Variants in DLG2 observed in about 807,000 individuals in gnomAD.
DLG2 encodes discs large MAGUK scaffold protein 2, also known as disks large homolog 2.
DLG2 carries 45 observed loss-of-function variants against 132.5 expected under a neutral mutation model. The observed-to-expected ratio is 0.34, with a 90% CI of 0.27 to 0.44. The LOEUF (loss-of-function observed/expected upper bound fraction) is 0.44, where lower values mean the gene tolerates loss of function less well. Among genes scored for constraint, DLG2 ranks in the 20% least tolerant of loss-of-function variants. DLG2 has a pLI of 1.00. For missense variants in DLG2, 1,045 were observed against 1,196.9 expected (o/e 0.87, Z 1.87); for synonymous variants, 424 against 419.6 (o/e 1.01, Z -0.13).
intron 4 of DLG2, among the ~76,000 whole-genome samples, chr11:85,186,797 T>C (rs965433583): frequency 6.6e-6 from 1 of 152,130 alleles, no homozygotes; most frequent in Non-Finnish European, 1.5e-5. Flanking sequence ...ACATGTGTTT[T>C]CCATTCTCAG....
chr11:83,996,605 G>C (rs564233306), intron 11 of DLG2, among the ~76,000 whole-genome samples: 1 of 152,254 alleles, frequency 6.6e-6, no homozygotes. Context: ...AGAAAATATG[G>C]TACACATACA....
At chr11:83,512,228 C>T (rs1389368568) in intron 21 of DLG2, among the ~76,000 whole-genome samples, 1 of 152,146 alleles carries the variant, frequency 6.6e-6, no homozygotes, top group African/African-American at 2.4e-5. Context: ...CTTCTCTCCC[C>T]CAATCCTGTG....
chr11:83,959,340 T>C (rs561971683), intron 14 of DLG2, among the ~76,000 whole-genome samples: 88 of 152,196 alleles, frequency 5.8e-4, no homozygotes, highest in Non-Finnish European at 1.1e-3. Context: ...TTTATTACAA[T>C]AGATTAAGAT....
chr11:83,987,907 A>G (rs2093442100), intron 11 of DLG2, among the ~76,000 whole-genome samples: 1 of 152,072 alleles, frequency 6.6e-6, no homozygotes, highest in African/African-American at 2.4e-5. Context: ...GCCTTTTTTC[A>G]TACATTTGTT....
intron 19 of DLG2, among the ~76,000 whole-genome samples, chr11:83,550,056 T>G (rs569438307): frequency 2.6e-5 from 4 of 152,372 alleles, no homozygotes; most frequent in African/African-American, 9.6e-5. Flanking sequence ...TTATACCACT[T>G]AATCAACCTT....
chr11:83,827,430 T>C (rs1164295733), intron 17 of DLG2, among the ~76,000 whole-genome samples: 2 of 152,180 alleles, frequency 1.3e-5, no homozygotes, highest in African/African-American at 4.8e-5. Context: ...CAGCTGTGAC[T>C]CATTTTTACT....
intron 6 of DLG2, among the ~76,000 whole-genome samples, chr11:84,675,481 C>T (rs1055944120): frequency 6.6e-6 from 1 of 152,122 alleles, no homozygotes; most frequent in Non-Finnish European, 1.5e-5. Context: ...AAGTGGAATT[C>T]AGCCTTAAAA....
intron 10 of DLG2, among the ~76,000 whole-genome samples, chr11:84,066,793 T>A (rs552727728): frequency 6.6e-6 from 1 of 152,090 alleles, no homozygotes; most frequent in East Asian, 1.9e-4. Flanking sequence ...AAGGTAGATG[T>A]TAGGTCACAG....
chr11:84,222,206 G>A (rs1268302389), intron 8 of DLG2, among the ~76,000 whole-genome samples: 1 of 151,932 alleles, frequency 6.6e-6, no homozygotes, highest in African/African-American at 2.4e-5. Context: ...CTAATTTTTT[G>A]TATTTAGTAG....
At chr11:84,164,991 A>G (rs2095629150) in intron 8 of DLG2, among the ~76,000 whole-genome samples, 1 of 152,186 alleles carries the variant, frequency 6.6e-6, no homozygotes, top group Non-Finnish European at 1.5e-5. Flanking sequence ...ATGCAAAAGT[A>G]AAACACACAG....
At chr11:83,844,547 C>CAAAAAA (rs59755957) in intron 16 of DLG2, among the ~76,000 whole-genome samples, 1,096 of 70,536 alleles carry the variant, frequency 0.016, 38 homozygotes, top group Non-Finnish European at 0.02. Flanking sequence ...GAGTCTGTAT[C>CAAAAAA]AAAAAAAAAA....
At chr11:85,159,662 C>T (rs2152470190) in intron 4 of DLG2, among the ~76,000 whole-genome samples, 2 of 152,296 alleles carry the variant, frequency 1.3e-5, no homozygotes, top group South Asian at 4.1e-4. Context: ...GGTATCATTG[C>T]TTGAGCAAAT....
chr11:84,439,543 A>T (rs532980007), intron 7 of DLG2, among the ~76,000 whole-genome samples: 13 of 152,160 alleles, frequency 8.5e-5, no homozygotes, highest in African/African-American at 3.1e-4. Flanking sequence ...TTTCCTTTTG[A>T]CACTCTAAGG....
chr11:84,125,525 G>T (rs1190248461), intron 9 of DLG2, among the ~76,000 whole-genome samples: 2 of 152,096 alleles, frequency 1.3e-5, no homozygotes, highest in African/African-American at 2.4e-5. Flanking sequence ...GATCTTTAGG[G>T]TCAGCAAATT....
At chr11:83,640,325 G>T (rs976856874) in intron 18 of DLG2, among the ~76,000 whole-genome samples, 4 of 152,088 alleles carry the variant, frequency 2.6e-5, no homozygotes, top group African/African-American at 9.7e-5. Context: ...ATATGGCTGG[G>T]GTAAATGTCA....
intron 18 of DLG2, chr11:83,692,880 C>T (rs2081227284): frequency 6.6e-6 from 1 of 152,064 alleles, no homozygotes; most frequent in Admixed American, 6.5e-5. Flanking sequence ...AAGCTTGGCC[C>T]ATAAAAATAA....
At chr11:84,072,836 G>C (rs1311837375) in intron 10 of DLG2, among the ~76,000 whole-genome samples, 1 of 152,148 alleles carries the variant, frequency 6.6e-6, no homozygotes, top group East Asian at 1.9e-4. Context: ...GTTGTTAGAG[G>C]CTGCTATATA....
At chr11:85,348,549 G>T (rs938760475) in intron 3 of DLG2, among the ~76,000 whole-genome samples, 1 of 152,064 alleles carries the variant, frequency 6.6e-6, no homozygotes, top group Non-Finnish European at 1.5e-5. Flanking sequence ...TTTATGATCA[G>T]AAGTTATACC....
intron 10 of DLG2, among the ~76,000 whole-genome samples, chr11:84,096,081 A>T (rs902821998): frequency 5.9e-5 from 9 of 152,208 alleles, no homozygotes; most frequent in African/African-American, 2.2e-4. Context: ...TGATGTAGGG[A>T]TTCTACCAAC....
Sources: allele counts gnomAD v4.1 joint callset (sites outside exome capture counted in the v4.1 genomes callset), GRCh38; gene constraint gnomAD v4.1.1; transcripts MANE v1.5; gene names NCBI Gene and HGNC (gene_info 2026-07-23, HGNC 2026-07-21).